Variants in GATAD1 observed in about 807,000 individuals in gnomAD.
The protein encoded by GATAD1 is GATA zinc finger domain containing 1.
A neutral mutation model predicts 26.5 loss-of-function variants in GATAD1; 12 were observed. The observed-to-expected ratio is 0.45, with a 90% CI of 0.29 to 0.73. GATAD1 has a LOEUF of 0.73. Among genes scored for constraint, GATAD1 ranks in the 30% least tolerant of loss-of-function variants. GATAD1 has a pLI of 0.10. For synonymous variants in GATAD1, 129 were observed against 133.1 expected (o/e 0.97, Z 0.21); for missense variants, 266 against 342.1 (o/e 0.78, Z 1.75).
chr7:92,480,559 A>G, the GATAD1 span, among the ~76,000 whole-genome samples: 5 of 152,234 alleles, frequency 3.3e-5, no homozygotes, highest in African/African-American at 1.2e-4. Context: ...GGAAGAGGTT[A>G]TGAAATGATG....
At chr7:92,470,758 T>C in the GATAD1 span, 1 of 179,200 alleles carries the variant, frequency 5.6e-6, no homozygotes, top group Non-Finnish European at 1.3e-5. Flanking sequence ...TGCAACTAAG[T>C]TGGCTGTCTT....
the GATAD1 span, chr7:92,469,960 C>A: frequency 1.3e-6 from 1 of 777,288 alleles, no homozygotes; most frequent in South Asian, 1.3e-5. Context: ...GCTAGAGGTG[C>A]CATGTACCCG....
At position 92,447,819 on chromosome 7, in the gene GATAD1, C is replaced by T; in HGVS notation, c.90C>T (p.Cys30=). 1 of 1,483,990 alleles carries T rather than the reference C, an allele frequency of 6.7e-7. No individual in the cohort carries two copies. The highest frequency in any genetic ancestry group is 9.0e-7 in the Non-Finnish European group (1 of 1,115,916). 91.9% of individuals were successfully genotyped at this position (1,483,990 alleles called of 1,614,324 possible). Residue 30 remains cysteine (C), a synonymous_variant, in exon 1 of 5, where the codon TGC becomes TGT. Transcript: ENST00000287957. ...WKKGAQGEIL[C]HHCTGRGGAG... Reference sequence around the variant, plus strand: ...AGGGAGCGCAGGGGGAGATCCTCTGCCATCATTGCACTGGCCGGGGCGGCG... The same window carrying T: ...AGGGAGCGCAGGGGGAGATCCTCTGTCATCATTGCACTGGCCGGGGCGGCG...
chr7:92,476,813 C>A, the GATAD1 span, among the ~76,000 whole-genome samples: 1 of 152,112 alleles, frequency 6.6e-6, no homozygotes. Context: ...TTGGGAGGGA[C>A]ACCAGGGATA....
intron 4 of GATAD1, among the ~76,000 whole-genome samples, chr7:92,455,834 A>G (rs985234160): frequency 1.3e-5 from 2 of 152,232 alleles, no homozygotes; most frequent in Admixed American, 6.5e-5. Flanking sequence ...CAGCAGAGGC[A>G]GTGATGTATC....
the GATAD1 span, chr7:92,489,299 G>T: frequency 6.2e-7 from 1 of 1,613,382 alleles, no homozygotes; most frequent in Non-Finnish European, 8.5e-7. Flanking sequence ...TTACAGCTCA[G>T]CAAAATTCTT....
intron 1 of GATAD1, among the ~76,000 whole-genome samples, chr7:92,448,316 G>C (rs1160769265): frequency 6.6e-6 from 1 of 152,220 alleles, no homozygotes; most frequent in Non-Finnish European, 1.5e-5. Context: ...TATGAAGTAA[G>C]ATTATTATGT....
chr7:92,466,639 A>G, the GATAD1 span, among the ~76,000 whole-genome samples: 2 of 152,234 alleles, frequency 1.3e-5, no homozygotes, highest in South Asian at 2.1e-4. Flanking sequence ...AGAGATCACA[A>G]AGACAGAAGG....
rs10265704 is a variant in GATAD1, at chr7:92,459,509, T to C, written c.*2947T>C. 23,231 of 152,182 alleles carry C rather than the reference T, an allele frequency of 0.15. 1,817 individuals are homozygous for C. Among genetic ancestry groups the C allele is most frequent in the Non-Finnish European group, 0.17 (11,350 of 68,004 alleles). 9.4% of individuals were successfully genotyped at this position (152,182 alleles called of 1,614,324 possible). On this transcript the variant is annotated 3_prime_UTR_variant, in exon 5 of 5. Transcript: ENST00000287957. ...CCCTGGTCTGTGTTCCCAGCCTTGT[T>C]TCCTCATTACCACTAAAATCTTTCC...
chr7:92,476,707 T>C, the GATAD1 span, among the ~76,000 whole-genome samples: 2 of 152,022 alleles, frequency 1.3e-5, no homozygotes, highest in Non-Finnish European at 2.9e-5. Flanking sequence ...CCTCTGTCTC[T>C]CTTTTCCCTC....
downstream of GATAD1, among the ~76,000 whole-genome samples, chr7:92,462,532 G>A (rs901049757): frequency 3.9e-5 from 6 of 152,058 alleles, no homozygotes; most frequent in Admixed American, 2.0e-4. Flanking sequence ...CACTACTTAC[G>A]TAGTCAGGAA....
At chr7:92,476,371 G>A in the GATAD1 span, among the ~76,000 whole-genome samples, 7 of 152,144 alleles carry the variant, frequency 4.6e-5, no homozygotes, top group Admixed American at 2.6e-4. Context: ...GTCCATCTGC[G>A]GGTTACTGGG....
chr7:92,469,738 G>A, the GATAD1 span: 2 of 764,172 alleles, frequency 2.6e-6, no homozygotes, highest in South Asian at 2.7e-5. Context: ...AACGGAAGTG[G>A]TGTTTATTTC....
At chr7:92,474,927 T>A in the GATAD1 span, 1 of 152,154 alleles carries the variant, frequency 6.6e-6, no homozygotes, top group Admixed American at 6.5e-5. Flanking sequence ...GTTCACTGTT[T>A]ACCCTTTTGT....
the GATAD1 span, among the ~76,000 whole-genome samples, chr7:92,484,862 G>T: frequency 6.6e-6 from 1 of 152,194 alleles, no homozygotes; most frequent in African/African-American, 2.4e-5. Flanking sequence ...TCCGTGTGAA[G>T]AGAGTCCACC....
At chr7:92,462,214 C>A (rs1434280181), downstream of GATAD1, among the ~76,000 whole-genome samples, 1 of 151,698 alleles carries the variant, frequency 6.6e-6, no homozygotes, top group East Asian at 1.9e-4. Flanking sequence ...TCTAAAGGTC[C>A]AACAATAGGA....
At chr7:92,480,736 G>A in the GATAD1 span, among the ~76,000 whole-genome samples, 4 of 152,272 alleles carry the variant, frequency 2.6e-5, no homozygotes, top group South Asian at 6.2e-4. Flanking sequence ...AAGTTGGAAC[G>A]CTAGGTGCTT....
the GATAD1 span, chr7:92,494,264 GT>G: frequency 2.6e-5 from 40 of 1,511,884 alleles, no homozygotes; most frequent in South Asian, 4.4e-4. Flanking sequence ...CATTTGTTGG[GT>G]TTTGGACTCT....
chr7:92,474,966 A>AG, the GATAD1 span: 1 of 151,852 alleles, frequency 6.6e-6, no homozygotes, highest in Non-Finnish European at 1.5e-5. Flanking sequence ...TTTGGGTTGA[A>AG]GGGGGGTCCT....
Sources: allele counts gnomAD v4.1 joint callset (sites outside exome capture counted in the v4.1 genomes callset), GRCh38; gene constraint gnomAD v4.1.1; transcripts MANE v1.5; gene names NCBI Gene and HGNC (gene_info 2026-07-23, HGNC 2026-07-21).